Variants in SLC4A10 observed in about 807,000 individuals in gnomAD.
The protein encoded by SLC4A10 is sodium-driven chloride bicarbonate exchanger.
In SLC4A10, 42 loss-of-function variants were observed where a neutral mutation model predicts 137.7. That is an observed-to-expected ratio of 0.30 (90% CI 0.24 to 0.39). The LOEUF is 0.39. Ranked by LOEUF, SLC4A10 falls within the 10% of genes least tolerant of loss-of-function variation. SLC4A10 has a pLI of 1.00. For missense variants in SLC4A10, 925 were observed against 1,355.0 expected, an observed-to-expected ratio of 0.68 and a Z score of 4.98; for synonymous variants, 474 against 464.1, an observed-to-expected ratio of 1.02 and a Z score of -0.27.
chr2:161,624,650 G>C, intron 1 of SLC4A10, 84 bp downstream of exon 1: 1 of 1,539,768 alleles, frequency 6.5e-7, no homozygotes, highest in Non-Finnish European at 8.8e-7. Context: ...TAGGTGCAGC[G>C]AGTGTACTTT....
intron 4 of SLC4A10, among the ~76,000 whole-genome samples, chr2:161,848,883 T>C (rs1398366682): frequency 6.6e-6 from 1 of 152,316 alleles, no homozygotes; most frequent in South Asian, 2.1e-4. Flanking sequence ...TGGTTCCATA[T>C]GAATTTTAGA....
At chr2:161,860,522 G>A (rs1292468144) in intron 5 of SLC4A10, among the ~76,000 whole-genome samples, 1 of 152,048 alleles carries the variant, frequency 6.6e-6, no homozygotes, top group Non-Finnish European at 1.5e-5. Flanking sequence ...CCATTATGAA[G>A]TATATGCATA....
intron 15 of SLC4A10, among the ~76,000 whole-genome samples, chr2:161,913,971 T>C (rs1559522547): frequency 6.6e-6 from 1 of 152,236 alleles, no homozygotes; most frequent in Admixed American, 6.5e-5. Context: ...TGCTGGATGA[T>C]GTAAGTGTCA....
chr2:161,920,051 A>G (rs1687836640), intron 15 of SLC4A10, among the ~76,000 whole-genome samples: 1 of 152,146 alleles, frequency 6.6e-6, no homozygotes, highest in Non-Finnish European at 1.5e-5. Context: ...GCCCCACCAC[A>G]GCAGCCAGCA....
At chr2:161,678,098 A>G (rs902410577) in intron 1 of SLC4A10, among the ~76,000 whole-genome samples, 6 of 152,264 alleles carry the variant, frequency 3.9e-5, no homozygotes, top group African/African-American at 1.2e-4. Context: ...TGTTAATTTT[A>G]GACAGATACG....
chr2:161,932,534 C>T (rs1174042226), intron 15 of SLC4A10, among the ~76,000 whole-genome samples: 1 of 152,114 alleles, frequency 6.6e-6, no homozygotes, highest in Admixed American at 6.5e-5. Context: ...TCGGTATCTT[C>T]ATTAAGTATG....
chr2:161,806,119 A>C (rs1343306620), intron 3 of SLC4A10, among the ~76,000 whole-genome samples: 1 of 152,118 alleles, frequency 6.6e-6, no homozygotes, highest in East Asian at 1.9e-4. Flanking sequence ...CACCCTCTGA[A>C]GCCACAGCCT....
intron 2 of SLC4A10, among the ~76,000 whole-genome samples, chr2:161,773,583 A>C (rs1282579883): frequency 6.6e-6 from 1 of 151,882 alleles, no homozygotes; most frequent in African/African-American, 2.4e-5. Flanking sequence ...TTATGTGTAT[A>C]TATTTATTTA....
intron 3 of SLC4A10, among the ~76,000 whole-genome samples, chr2:161,830,983 G>C (rs1296987729): frequency 6.6e-6 from 1 of 152,142 alleles, no homozygotes; most frequent in Non-Finnish European, 1.5e-5. Context: ...AGATGATTAG[G>C]TAGGTGTGCC....
intron 4 of SLC4A10, 129 bp from the exon 5 acceptor site, chr2:161,854,841 T>C (rs1267320486): frequency 2.4e-6 from 2 of 849,194 alleles, no homozygotes; most frequent in Non-Finnish European, 1.6e-6. Context: ...CTAGCTTTTA[T>C]ATACTTCCAA....
At chr2:161,646,741 T>C (rs2036091492) in intron 1 of SLC4A10, among the ~76,000 whole-genome samples, 1 of 152,042 alleles carries the variant, frequency 6.6e-6, no homozygotes, top group African/African-American at 2.4e-5. Context: ...TATTTCTTCC[T>C]TGTAAATTAA....
intron 3 of SLC4A10, among the ~76,000 whole-genome samples, chr2:161,838,380 A>G (rs2058953654): frequency 6.6e-6 from 1 of 152,164 alleles, no homozygotes; most frequent in Admixed American, 6.5e-5. Context: ...ATGAAACTTT[A>G]GAAGAAAACA....
chr2:161,883,750 T>C (rs188858977), intron 10 of SLC4A10, among the ~76,000 whole-genome samples: 205 of 152,294 alleles, frequency 1.3e-3, no homozygotes, highest in Admixed American at 2.4e-3. Flanking sequence ...CTTTGTTCTC[T>C]GTCTCCATCT....
intron 1 of SLC4A10, among the ~76,000 whole-genome samples, chr2:161,629,323 T>C (rs1342240669): frequency 6.6e-6 from 1 of 151,440 alleles, no homozygotes; most frequent in Non-Finnish European, 1.5e-5. Flanking sequence ...TGGGGTGTAC[T>C]ACTTTTTTTT....
intron 3 of SLC4A10, among the ~76,000 whole-genome samples, chr2:161,818,400 T>A (rs1394314062): frequency 2.0e-5 from 3 of 152,226 alleles, no homozygotes; most frequent in African/African-American, 7.2e-5. Context: ...TGGGGTTTTC[T>A]AGATATACAA....
At chr2:161,659,120 A>T (rs1392484753) in intron 1 of SLC4A10, among the ~76,000 whole-genome samples, 1 of 152,212 alleles carries the variant, frequency 6.6e-6, no homozygotes, top group Non-Finnish European at 1.5e-5. Context: ...TTATTACAGC[A>T]TTAATTACAA....
intron 10 of SLC4A10, among the ~76,000 whole-genome samples, chr2:161,893,811 T>C (rs1306333389): frequency 1.3e-5 from 2 of 151,910 alleles, no homozygotes; most frequent in Non-Finnish European, 2.9e-5. Context: ...AGCATATACA[T>C]TGTATAGATA....
chr2:161,964,491 C>T (rs1219449298), intron 22 of SLC4A10, among the ~76,000 whole-genome samples, 183 bp downstream of exon 22: 1 of 152,050 alleles, frequency 6.6e-6, no homozygotes, highest in Non-Finnish European at 1.5e-5. Flanking sequence ...TTCAGTGATT[C>T]CTATTAGTTT....
intron 6 of SLC4A10, 110 bp downstream of exon 6, chr2:161,863,172 C>T (rs901955681): frequency 3.9e-6 from 4 of 1,034,774 alleles, no homozygotes; most frequent in Non-Finnish European, 5.4e-6. Flanking sequence ...TTTTGAAATT[C>T]AGATTATTGT....
Sources: gnomAD v4.1 joint callset for allele counts (sites outside exome capture counted in the v4.1 genomes callset) on GRCh38, gnomAD v4.1.1 for gene constraint, MANE v1.5 for transcripts, NCBI Gene and HGNC (gene_info 2026-07-23, HGNC 2026-07-21) for gene names.